Variants in AIG1 observed in about 807,000 individuals in gnomAD.
AIG1 encodes androgen-induced gene 1 protein.
Under a neutral mutation model 31.4 loss-of-function variants are expected in AIG1, and 23 were observed. The observed-to-expected ratio is 0.73, with a 90% confidence interval of 0.53 to 1.04. The LOEUF is 1.04. Among genes scored for constraint, AIG1 ranks in the 50% least tolerant of loss-of-function variants. The pLI, the probability that AIG1 is intolerant of heterozygous loss-of-function variation, is 0.00. For missense variants in AIG1, 274 were observed against 295.0 expected (o/e 0.93, Z 0.52); for synonymous variants, 100 against 110.5 (o/e 0.90, Z 0.60).
intron 1 of AIG1, among the ~76,000 whole-genome samples, chr6:143,120,966 A>T (rs1056341424): frequency 1.3e-5 from 2 of 152,270 alleles, no homozygotes; most frequent in African/African-American, 4.8e-5. Context: ...CACAAACAAT[A>T]GCATGAGCAA....
chr6:143,242,981 C>A (rs1200107326), intron 3 of AIG1, among the ~76,000 whole-genome samples: 1 of 152,064 alleles, frequency 6.6e-6, no homozygotes, highest in Non-Finnish European at 1.5e-5. Context: ...TATCTGATGG[C>A]CTATATGAAT....
chr6:143,187,360 G>A lies in AIG1; in HGVS notation c.399+22177G>A, dbSNP rs541943598. 90 of 1,511,036 alleles carry A rather than the reference G, an allele frequency of 6.0e-5. No individual in the cohort carries two copies. The South Asian group carries it at 7.1e-4, about 12-fold the overall frequency. The allele number at this position is 1,511,036 out of a possible 1,614,324, so 93.6% of individuals were successfully genotyped here. A position where few individuals can be genotyped will look rare whatever the true frequency, so the allele number is the denominator to read the frequency against. ...CACAGATATTTTGCTGCATTCCATGGTGTCTCATTTATTTGTTTAATTTGC... is the reference window on the plus strand; with the variant it reads ...CACAGATATTTTGCTGCATTCCATGATGTCTCATTTATTTGTTTAATTTGC... On this transcript the variant is annotated intron_variant, in intron 3 of 5. Coordinates refer to ENST00000357847, the MANE Select transcript of AIG1 (RefSeq NM_016108.4).
intron 3 of AIG1, among the ~76,000 whole-genome samples, chr6:143,176,492 C>A (rs934478458): frequency 6.6e-5 from 10 of 151,934 alleles, no homozygotes; most frequent in Non-Finnish European, 1.2e-4. Flanking sequence ...CATGTCTGAG[C>A]TCAGACTCTT....
chr6:143,189,000 T>C, intron 3 of AIG1: 1 of 984,738 alleles, frequency 1.0e-6, no homozygotes, highest in Non-Finnish European at 1.2e-6. Flanking sequence ...GTCAAAGTTA[T>C]AGATTATAAC....
chr6:143,254,088 G>A (rs187638252), intron 3 of AIG1, among the ~76,000 whole-genome samples: 1 of 152,162 alleles, frequency 6.6e-6, no homozygotes, highest in Non-Finnish European at 1.5e-5. Context: ...CCTTTTCAAA[G>A]TGGTGGGTTC....
At chr6:143,250,591 TC>T (rs1228793177) in intron 3 of AIG1, among the ~76,000 whole-genome samples, 1 of 152,104 alleles carries the variant, frequency 6.6e-6, no homozygotes, top group African/African-American at 2.4e-5. Context: ...ATCACAGGTG[TC>T]CTTGTATAAG....
chr6:143,067,492 G>A (rs566637787), intron 1 of AIG1, among the ~76,000 whole-genome samples: 3 of 152,218 alleles, frequency 2.0e-5, no homozygotes, highest in South Asian at 2.1e-4. Flanking sequence ...GTACCTGGAC[G>A]ATACCATTTT....
At chr6:143,252,234 C>T (rs1174794856) in intron 3 of AIG1, among the ~76,000 whole-genome samples, 1 of 152,188 alleles carries the variant, frequency 6.6e-6, no homozygotes, top group African/African-American at 2.4e-5. Context: ...ATTCTCCCGC[C>T]TCAGTCTCCC....
intron 3 of AIG1, among the ~76,000 whole-genome samples, chr6:143,247,753 C>T (rs1794714651): frequency 6.6e-6 from 1 of 152,218 alleles, no homozygotes; most frequent in African/African-American, 2.4e-5. Flanking sequence ...AGCCAGGATT[C>T]TAAACCAGGC....
chr6:143,108,950 A>G (rs573241956), intron 1 of AIG1, among the ~76,000 whole-genome samples: 12 of 152,290 alleles, frequency 7.9e-5, no homozygotes, highest in Non-Finnish European at 1.5e-4. Context: ...AACATCACCA[A>G]TACCCCAGAA....
At chr6:143,061,980 A>C (rs1776301473) in intron 1 of AIG1, among the ~76,000 whole-genome samples, 1 of 152,212 alleles carries the variant, frequency 6.6e-6, no homozygotes, top group Non-Finnish European at 1.5e-5. Flanking sequence ...AAAAGCAATG[A>C]AGTTCTAAAG....
At chr6:143,226,246 A>ATATAT (rs567989848) in intron 3 of AIG1, among the ~76,000 whole-genome samples, 7 of 142,066 alleles carry the variant, frequency 4.9e-5, no homozygotes, top group South Asian at 2.2e-4. Context: ...ATATATATAT[A>ATATAT]TTTTTTTTTT....
At chr6:143,332,915 G>A (rs1777198008) in intron 4 of AIG1, among the ~76,000 whole-genome samples, 1 of 152,134 alleles carries the variant, frequency 6.6e-6, no homozygotes, top group South Asian at 2.1e-4. Context: ...TTGGATCCTG[G>A]AACAGAGAAA....
At position 143,284,173 on chromosome 6, in the gene AIG1, A is replaced by G; in HGVS notation, c.463A>G (p.Arg155Gly). ...MRTSHHQYPS[R>G]SSGLTAICTF... ...GACATCGCACCATCAGTATCCCAGCAGGAGCAGCGGACTTACCGCCATATG... is the reference window on the plus strand; with the variant it reads ...GACATCGCACCATCAGTATCCCAGCGGGAGCAGCGGACTTACCGCCATATG... Residue 155 changes from arginine to glycine, a missense_variant, in exon 4 of 6, where the codon AGG (arginine) becomes GGG (glycine). Coordinates refer to ENST00000357847, the MANE Select transcript of AIG1 (RefSeq NM_016108.4). The surrounding 1 kb of genome is among the most constrained non-coding windows in gnomAD (Gnocchi z 4.4). 1 of 1,614,140 alleles carries G rather than the reference A, an allele frequency of 6.2e-7. No individual in the cohort carries two copies. Among genetic ancestry groups the G allele is most frequent in the Non-Finnish European group, 8.5e-7 (1 of 1,180,000 alleles).
At chr6:143,315,830 TA>T (rs1165344704) in intron 4 of AIG1, among the ~76,000 whole-genome samples, 7 of 152,158 alleles carry the variant, frequency 4.6e-5, no homozygotes, top group African/African-American at 1.7e-4. Context: ...AAAGGTTACA[TA>T]ATCATAATAA....
rs116035028 is a variant in AIG1 at position 143,137,939 on chromosome 6, G to A, written c.297+949G>A. ...ACATGCACCAAGTCCATTGTAGGAA[G>A]AATCAGAAAGTTGATCATAAGTCCT... is the stretch of plus-strand genomic sequence containing the variant. On this transcript the variant is annotated intron_variant, in intron 2 of 5. Coordinates refer to ENST00000357847, the MANE Select transcript of AIG1 (RefSeq NM_016108.4). Among the ~76,000 whole-genome samples the A allele has an allele frequency of 9.4e-3, 1,429 of 152,322 alleles. 15 individuals are homozygous for A. Among genetic ancestry groups the A allele is most frequent in the African/African-American group, 0.031 (1,304 of 41,570 alleles).
At chr6:143,163,025 A>G (rs1424315873) in intron 2 of AIG1, among the ~76,000 whole-genome samples, 1 of 152,174 alleles carries the variant, frequency 6.6e-6, no homozygotes, top group Non-Finnish European at 1.5e-5. Context: ...TGTGCATAAG[A>G]TCTTATTGAA....
At chr6:143,263,055 C>A (rs1795913541) in intron 3 of AIG1, among the ~76,000 whole-genome samples, 1 of 152,150 alleles carries the variant, frequency 6.6e-6, no homozygotes, top group African/African-American at 2.4e-5. Flanking sequence ...GACTTGAAAG[C>A]TTGAAATGAC....
intron 3 of AIG1, among the ~76,000 whole-genome samples, chr6:143,275,029 A>G (rs1796799881): frequency 1.3e-5 from 2 of 152,232 alleles, no homozygotes; most frequent in African/African-American, 4.8e-5. Flanking sequence ...GAGGGATGAA[A>G]TAAATATTTT....
Sources: gnomAD v4.1 joint callset for allele counts (sites outside exome capture counted in the v4.1 genomes callset) on GRCh38, gnomAD v4.1.1 for gene constraint, Gnocchi (gnomAD v3.1) non-coding constraint, MANE v1.5 for transcripts, NCBI Gene and HGNC (gene_info 2026-07-23, HGNC 2026-07-21) for gene names.